The following COLEC12 variants were observed in gnomAD, a reference collection of about 807,000 sequenced individuals.
COLEC12 encodes collectin-12.
COLEC12 carries 33 observed loss-of-function variants against 71.1 expected under a neutral mutation model. That is an observed-to-expected ratio of 0.46 (90% confidence interval 0.35 to 0.62). The LOEUF (loss-of-function observed/expected upper bound fraction) is 0.62, where lower values mean the gene tolerates loss of function less well. Among genes scored for constraint, COLEC12 ranks in the 20% least tolerant of loss-of-function variants. The probability of loss-of-function intolerance (pLI) is 0.00; values close to 1 mark genes in which losing one functional copy is unlikely to be tolerated. For missense variants in COLEC12, 765 were observed against 916.1 expected, an observed-to-expected ratio of 0.84 and a Z score of 2.13; for synonymous variants, 350 against 353.0, an observed-to-expected ratio of 0.99 and a Z score of 0.10.
rs560362935 is a variant in COLEC12, at chr18:461,829, G to A, written c.58+18878C>T. 1.7e-4 allele frequency among the ~76,000 whole-genome samples: 26 copies of A among 152,220 alleles called. No homozygotes were observed. In the South Asian group the frequency reaches 5.4e-3, roughly 32 times the overall value. Reference sequence around the variant, plus strand: ...TGTGACTACCATACTAGCAAGCTCAGGTACAGCACTGCCCTGTACTCATAT... The same window carrying A: ...TGTGACTACCATACTAGCAAGCTCAAGTACAGCACTGCCCTGTACTCATAT... On this transcript the variant is annotated intron_variant, in intron 2 of 9. Transcript: ENST00000400256.
intron 2 of COLEC12, among the ~76,000 whole-genome samples, chr18:435,304 G>C (rs971595024): frequency 6.6e-6 from 1 of 152,174 alleles, no homozygotes. Context: ...CCACATTGCT[G>C]GGGAGGCCTC....
intron 2 of COLEC12, among the ~76,000 whole-genome samples, chr18:377,002 A>G (rs1208466431): frequency 1.3e-5 from 2 of 152,190 alleles, no homozygotes; most frequent in African/African-American, 4.8e-5. Flanking sequence ...CTTCCCTTCC[A>G]ACCTACAAAG....
At chr18:413,338 G>A (rs1250362912) in intron 2 of COLEC12, among the ~76,000 whole-genome samples, 2 of 152,142 alleles carry the variant, frequency 1.3e-5, no homozygotes, top group East Asian at 1.9e-4. Flanking sequence ...CATAAAAAAC[G>A]GTGACCCCAC....
At chr18:342,918 A>G (rs1162119857) in intron 5 of COLEC12, among the ~76,000 whole-genome samples, 2 of 152,178 alleles carry the variant, frequency 1.3e-5, no homozygotes, top group Non-Finnish European at 2.9e-5. Context: ...ACCTCATTCT[A>G]TTATAATAGA....
chr18:338,482 C>T (rs55897009), intron 5 of COLEC12, among the ~76,000 whole-genome samples: 17,560 of 152,188 alleles, frequency 0.12, 1,122 homozygotes, highest in South Asian at 0.17. Context: ...ACTGCCACTA[C>T]GAAATAATCA....
chr18:425,229 T>C (rs536533578), intron 2 of COLEC12, among the ~76,000 whole-genome samples: 24 of 152,290 alleles, frequency 1.6e-4, no homozygotes, highest in African/African-American at 5.8e-4. Flanking sequence ...TGAGTTGCAG[T>C]TGAAGTTACT....
At chr18:331,904 G>A in intron 7 of COLEC12, 127 bp from the exon 8 acceptor site, 1 of 640,662 alleles carries the variant, frequency 1.6e-6, no homozygotes, top group East Asian at 2.8e-5. Flanking sequence ...TGTGTAGCCT[G>A]CTTTTGCTTT....
At chr18:361,451 T>C (rs56905557) in intron 2 of COLEC12, among the ~76,000 whole-genome samples, 2,646 of 152,186 alleles carry the variant, frequency 0.017, 86 homozygotes, top group African/African-American at 0.06. Flanking sequence ...TCACCCTTTA[T>C]TAAAATACCA....
intron 2 of COLEC12, among the ~76,000 whole-genome samples, chr18:478,521 G>A (rs7238394): frequency 0.17 from 25,894 of 152,164 alleles, 2,338 homozygotes; most frequent in East Asian, 0.34. Flanking sequence ...GCTGAGGCAG[G>A]AGGATTGCTT....
intron 2 of COLEC12, among the ~76,000 whole-genome samples, chr18:446,978 C>A (rs1349658325): frequency 6.6e-6 from 1 of 152,162 alleles, no homozygotes; most frequent in Non-Finnish European, 1.5e-5. Context: ...GAACAGTTAT[C>A]CTTGATCATT....
intron 2 of COLEC12, among the ~76,000 whole-genome samples, chr18:479,371 C>G (rs1917367137): frequency 6.6e-6 from 1 of 152,108 alleles, no homozygotes; most frequent in Admixed American, 6.5e-5. Flanking sequence ...ATTTTAAAGT[C>G]ATATGTTTTC....
chr18:488,991 T>C (rs1282794238), intron 1 of COLEC12, among the ~76,000 whole-genome samples: 6 of 152,072 alleles, frequency 3.9e-5, no homozygotes, highest in African/African-American at 1.4e-4. Flanking sequence ...GTGAACCACA[T>C]TTCCCAGCAT....
chr18:430,843 T>G (rs187312931), intron 2 of COLEC12, among the ~76,000 whole-genome samples: 1 of 152,274 alleles, frequency 6.6e-6, no homozygotes, highest in Admixed American at 6.5e-5. Flanking sequence ...CAAATATATT[T>G]TGTTAACCCA....
intron 2 of COLEC12, among the ~76,000 whole-genome samples, chr18:470,482 C>T (rs1322477530): frequency 6.6e-6 from 1 of 151,802 alleles, no homozygotes; most frequent in Non-Finnish European, 1.5e-5. Flanking sequence ...TGATGCACTC[C>T]CTTTGGCCTC....
At chr18:409,603 T>C (rs1915854899) in intron 2 of COLEC12, among the ~76,000 whole-genome samples, 1 of 152,246 alleles carries the variant, frequency 6.6e-6, no homozygotes, top group Non-Finnish European at 1.5e-5. Flanking sequence ...GTTTTATTTA[T>C]GATTTTGTAG....
At chr18:450,305 C>T (rs1052263611) in intron 2 of COLEC12, among the ~76,000 whole-genome samples, 7 of 152,128 alleles carry the variant, frequency 4.6e-5, no homozygotes, top group African/African-American at 7.2e-5. Flanking sequence ...TTTGTAATCC[C>T]CAATGTTGAG....
chr18:440,296 T>C (rs1422425112), intron 2 of COLEC12, among the ~76,000 whole-genome samples: 1 of 151,746 alleles, frequency 6.6e-6, no homozygotes, highest in Non-Finnish European at 1.5e-5. Flanking sequence ...GCATGGTAAC[T>C]GTAGTTAATA....
chr18:460,030 C>G (rs920960032), intron 2 of COLEC12, among the ~76,000 whole-genome samples: 3 of 149,454 alleles, frequency 2.0e-5, no homozygotes, highest in African/African-American at 7.5e-5. Flanking sequence ...CACTTAAGAA[C>G]TCATCAGAGG....
In COLEC12 at chr18:346,105, G is replaced by A. The variant is rs1253894971; in HGVS notation, c.1327+190C>T. ...AAGCCTTCAGATGACTGCAGCTCTG[G>A]CTGAGATCTTGACACAACCTCATGA... is the stretch of plus-strand genomic sequence containing the variant. On this transcript the variant is annotated intron_variant, in intron 5 of 9. Coordinates refer to ENST00000400256, the MANE Select transcript of COLEC12 (RefSeq NM_130386.3). This position sits in a 1 kb window ranked among gnomAD's most constrained non-coding sequence, Gnocchi z 4.0. 6.6e-6 allele frequency among the ~76,000 whole-genome samples: 1 copy of A among 152,178 alleles called. No homozygotes were observed. Among genetic ancestry groups the A allele is most frequent in the Non-Finnish European group, 1.5e-5 (1 of 68,034 alleles).
Sources: gnomAD v4.1 joint callset for allele counts (sites outside exome capture counted in the v4.1 genomes callset) on GRCh38, gnomAD v4.1.1 for gene constraint, Gnocchi (gnomAD v3.1) non-coding constraint, MANE v1.5 for transcripts, NCBI Gene and HGNC (gene_info 2026-07-23, HGNC 2026-07-21) for gene names.